Variants in ALG9 observed in about 807,000 individuals in gnomAD.
ALG9 encodes ALG9 alpha-1,2-mannosyltransferase.
ALG9 carries 55 observed loss-of-function variants against 81.8 expected under a neutral mutation model. The observed-to-expected ratio is 0.67, with a 90% CI of 0.54 to 0.84. The LOEUF (loss-of-function observed/expected upper bound fraction) is 0.84, where lower values mean the gene tolerates loss of function less well. ALG9 is among the 40% of genes least tolerant of loss of function. ALG9 has a pLI of 0.00. For missense variants in ALG9, 629 were observed against 745.0 expected (o/e 0.84, Z 1.81); for synonymous variants, 278 against 274.3 (o/e 1.01, Z -0.13).
chr11:111,854,696 G>A (rs528339233), intron 6 of ALG9, among the ~76,000 whole-genome samples: 63 of 152,228 alleles, frequency 4.1e-4, no homozygotes, highest in African/African-American at 1.3e-3. Flanking sequence ...AACATTTTGC[G>A]TTTTTATTTT....
At chr11:111,858,785 T>A (rs1004911968) in intron 5 of ALG9, among the ~76,000 whole-genome samples, 10 of 152,192 alleles carry the variant, frequency 6.6e-5, no homozygotes, top group African/African-American at 2.4e-4. Context: ...GGCAGTGAGG[T>A]TTTTTTAAAC....
chr11:111,827,322 C>G (rs1443372196), intron 13 of ALG9, among the ~76,000 whole-genome samples: 1 of 151,930 alleles, frequency 6.6e-6, no homozygotes, highest in African/African-American at 2.4e-5. Flanking sequence ...ACTAAAAATA[C>G]AAAATTAGCC....
intron 14 of ALG9, among the ~76,000 whole-genome samples, chr11:111,795,022 T>C (rs1031090650): frequency 1.3e-5 from 2 of 152,206 alleles, no homozygotes; most frequent in African/African-American, 2.4e-5. Context: ...GAGACATTAT[T>C]CTAATGGTAA....
chr11:111,820,086 G>A (rs538059921), intron 13 of ALG9, among the ~76,000 whole-genome samples: 153 of 152,250 alleles, frequency 1.0e-3, no homozygotes, highest in Middle Eastern at 3.4e-3. Context: ...CAAAATCAAG[G>A]TGCTGGTGTC....
intron 13 of ALG9, among the ~76,000 whole-genome samples, chr11:111,826,901 TG>T (rs1300785852): frequency 2.6e-5 from 4 of 152,216 alleles, no homozygotes; most frequent in Admixed American, 6.5e-5. Context: ...GTTTTTGATT[TG>T]TTTTGTATTA....
intron 1 of ALG9, 57 bp downstream of exon 1, chr11:111,871,295 G>T: frequency 4.4e-6 from 6 of 1,370,052 alleles, no homozygotes; most frequent in Non-Finnish European, 5.6e-6. Flanking sequence ...ACCCTCCCGG[G>T]GGCAGCCCCG....
At chr11:111,864,308 C>G (rs1420248505) in intron 4 of ALG9, 5 of 1,000,760 alleles carry the variant, frequency 5.0e-6, no homozygotes, top group Non-Finnish European at 6.4e-6. Context: ...ACAGCCCCGG[C>G]TGGAGGCCAG....
In ALG9 at chr11:111,785,657, G is replaced by A. The variant is rs550292956; in HGVS notation, c.*740C>T. 4.9e-5 allele frequency: 9 copies of A among 183,464 alleles called. No individual in the cohort carries two copies. Among genetic ancestry groups the A allele is most frequent in the Non-Finnish European group, 1.0e-4 (9 of 86,660 alleles). The allele number at this position is 183,464 out of a possible 1,614,324, so 11.4% of individuals were successfully genotyped here. A position where few individuals can be genotyped will look rare whatever the true frequency, so the allele number is the denominator to read the frequency against. On this transcript the variant is annotated 3_prime_UTR_variant, in exon 15 of 15. Transcript: ENST00000616540. ...TGATATCTTCACATGGAGGAGTCTA[G>A]AATTCAAAAAATAGCATGCTAAAAC...
intron 8 of ALG9, among the ~76,000 whole-genome samples, chr11:111,848,532 G>A (rs1208972783): frequency 6.6e-6 from 1 of 150,886 alleles, no homozygotes; most frequent in African/African-American, 2.4e-5. Context: ...AGAGGTTGCG[G>A]GGAGTCGAGG....
intron 8 of ALG9, among the ~76,000 whole-genome samples, chr11:111,851,869 C>G (rs934411113): frequency 3.9e-5 from 6 of 152,140 alleles, no homozygotes; most frequent in Non-Finnish European, 7.4e-5. Context: ...TTCTCACACC[C>G]CTGGGGATCT....
downstream of ALG9, chr11:111,782,049 C>T (rs561693193): frequency 6.6e-6 from 1 of 152,176 alleles, no homozygotes; most frequent in South Asian, 2.1e-4. Flanking sequence ...AATAAACATT[C>T]TGGGATATTT....
At chr11:111,778,031 G>A (rs1945743892), downstream of ALG9, 1 of 152,204 alleles carries the variant, frequency 6.6e-6, no homozygotes, top group African/African-American at 2.4e-5. Context: ...TCTTTACTGT[G>A]CTTCTGTCAA....
chr11:111,865,215 A>G lies in ALG9; in HGVS notation c.442T>C (p.Phe148Leu). Residue 148 changes from phenylalanine to leucine, a missense_variant, in exon 4 of 15, where the codon TTT becomes CTT. Physicochemically the swap from Phe to Leu is conservative, Grantham distance 22. Transcript: ENST00000616540. Reference protein sequence around the residue: ...VFYFLRCLLAFVSCICELYFY... With the variant: ...VFYFLRCLLALVSCICELYFY... ...TAAAGTTCACAAATACAGCTCACAA[A>G]AGCCAGAAGACATCGCAAAAAGTAA... The G allele has an allele frequency of 6.4e-7, 1 of 1,551,116 alleles. No homozygotes were observed. Among genetic ancestry groups the G allele is most frequent in the Non-Finnish European group, 8.7e-7 (1 of 1,147,442 alleles).
intron 8 of ALG9, among the ~76,000 whole-genome samples, chr11:111,847,706 C>G (rs1463450693): frequency 2.0e-5 from 3 of 152,134 alleles, no homozygotes; most frequent in African/African-American, 7.2e-5. Flanking sequence ...CTAGTCTATC[C>G]TATTCTAAAT....
At position 111,818,692 on chromosome 11, in the gene ALG9, T is replaced by C. The variant is rs192827042; in HGVS notation, c.1603-8919A>G. 6.6e-3 allele frequency among the ~76,000 whole-genome samples: 1,005 copies of C among 152,306 alleles called. 6 individuals carry two copies. The highest frequency in any genetic ancestry group is 0.051 in the Middle Eastern group (15 of 294). ...TTACAATTATATTCTATTAATTAAT[T>C]GGGAAATTCATTGTAAGCTCCATAA... On this transcript the variant is annotated intron_variant, in intron 13 of 14. Coordinates refer to ENST00000616540, the MANE Select transcript of ALG9 (RefSeq NM_024740.2).
At chr11:111,836,639 A>G (rs1955322728) in intron 12 of ALG9, 1 of 337,308 alleles carries the variant, frequency 3.0e-6, no homozygotes, top group Non-Finnish European at 5.7e-6. Context: ...TCAGGTGTAG[A>G]GAAAAAGAAT....
At chr11:111,800,697 A>G (rs570333265) in intron 14 of ALG9, among the ~76,000 whole-genome samples, 4 of 152,190 alleles carry the variant, frequency 2.6e-5, no homozygotes. Flanking sequence ...TTACCTATTG[A>G]TTTGTGTGGC....
intron 4 of ALG9, 119 bp from the exon 5 acceptor site, chr11:111,860,754 C>T (rs1959792890): frequency 5.4e-6 from 4 of 747,586 alleles, no homozygotes; most frequent in African/African-American, 5.3e-5. Context: ...ACAAAACTAC[C>T]TTGTCAGGTT....
At chr11:111,823,019 T>C (rs782522331) in intron 13 of ALG9, among the ~76,000 whole-genome samples, 1 of 152,182 alleles carries the variant, frequency 6.6e-6, no homozygotes, top group Non-Finnish European at 1.5e-5. Context: ...ACTGAAACTC[T>C]GTCTCAAAAA....
Sources: gnomAD v4.1 joint callset for allele counts (sites outside exome capture counted in the v4.1 genomes callset) on GRCh38, gnomAD v4.1.1 for gene constraint, MANE v1.5 for transcripts, NCBI Gene and HGNC (gene_info 2026-07-23, HGNC 2026-07-21) for gene names.